The following GSDME variants were observed in gnomAD, a reference collection of about 807,000 sequenced individuals.
The protein encoded by GSDME is gasdermin-E.
GSDME carries 44 observed loss-of-function variants against 47.5 expected under a neutral mutation model. The observed-to-expected ratio is 0.93, with a 90% CI of 0.73 to 1.19. GSDME has a LOEUF of 1.19. GSDME is among the 50% of genes most tolerant of loss of function. The pLI is 0.00. For synonymous variants in GSDME, 258 were observed against 252.8 expected (o/e 1.02, Z -0.20); for missense variants, 663 against 604.2 (o/e 1.10, Z -1.02).
intron 5 of GSDME, chr7:24,715,628 G>C (rs1000768640): frequency 5.9e-6 from 2 of 336,688 alleles, no homozygotes; most frequent in African/African-American, 4.5e-5. Context: ...AGATAACAGA[G>C]ACTAGAAGAA....
chr7:24,720,857 A>T (rs575877295), intron 3 of GSDME, among the ~76,000 whole-genome samples: 3 of 151,950 alleles, frequency 2.0e-5, no homozygotes, highest in Admixed American at 2.0e-4. Context: ...CGGTGAGCTG[A>T]GATTGTGCCA....
At chr7:24,748,168 A>ATTT (rs1366320411) in intron 2 of GSDME, among the ~76,000 whole-genome samples, 5 of 117,492 alleles carry the variant, frequency 4.3e-5, no homozygotes, top group South Asian at 3.0e-4. Context: ...ATATATATAT[A>ATTT]TTTTTTTTTG....
At chr7:24,791,773 C>T in the GSDME span, among the ~76,000 whole-genome samples, 1 of 152,234 alleles carries the variant, frequency 6.6e-6, no homozygotes. This position sits in a 1 kb window ranked among gnomAD's most constrained non-coding sequence, Gnocchi z 4.8. Context: ...CAGACATCCT[C>T]TCGGGGATGA....
chr7:24,723,613 A>T (rs141824410), intron 3 of GSDME, among the ~76,000 whole-genome samples: 110 of 151,646 alleles, frequency 7.3e-4, no homozygotes, highest in African/African-American at 2.0e-3. Context: ...AGAAGAGTTT[A>T]AAAAAAAAGA....
rs1299447544 is a variant in GSDME at position 24,736,771 on chromosome 7, A to G, written c.404+7791T>C. 6.6e-6 allele frequency among the ~76,000 whole-genome samples: 1 copy of G among 152,208 alleles called. No individual in the cohort carries two copies. The highest frequency in any genetic ancestry group is 1.9e-4 in the East Asian group (1 of 5,194). ...TAGACCATATGTTAGGCCACAAAAC[A>G]AGTTTCAAAACATCCAAAAAATTGA... On this transcript the variant is annotated intron_variant, in intron 3 of 9. Coordinates refer to ENST00000645220, the MANE Select transcript of GSDME (RefSeq NM_001127453.2). The surrounding 1 kb of genome is among the most constrained non-coding windows in gnomAD (Gnocchi z 4.6).
At chr7:24,704,813 T>G (rs1789027748) in intron 8 of GSDME, 1 of 151,630 alleles carries the variant, frequency 6.6e-6, no homozygotes, top group Non-Finnish European at 1.5e-5. Flanking sequence ...CCACAGCCCC[T>G]CAAGTAGCTG....
At chr7:24,723,613 A>G (rs141824410) in intron 3 of GSDME, among the ~76,000 whole-genome samples, 2,192 of 151,640 alleles carry the variant, frequency 0.014, 15 homozygotes, top group African/African-American at 0.029. Flanking sequence ...AGAAGAGTTT[A>G]AAAAAAAAGA....
At chr7:24,723,621 A>AT (rs1446832087) in intron 3 of GSDME, among the ~76,000 whole-genome samples, 1 of 152,220 alleles carries the variant, frequency 6.6e-6, no homozygotes, top group East Asian at 1.9e-4. Flanking sequence ...TTAAAAAAAA[A>AT]GAGCCTAGAG....
At chr7:24,703,236 A>G (rs1347598357) in intron 8 of GSDME, 4 of 335,926 alleles carry the variant, frequency 1.2e-5, no homozygotes, top group Non-Finnish European at 2.3e-5. Flanking sequence ...CAGTTTCCTC[A>G]TTTACCATAG....
upstream of GSDME, among the ~76,000 whole-genome samples, chr7:24,758,976 C>T (rs1008227432): frequency 2.6e-5 from 4 of 152,184 alleles, no homozygotes; most frequent in African/African-American, 9.6e-5. The surrounding 1 kb of genome is among the most constrained non-coding windows in gnomAD (Gnocchi z 4.6). Flanking sequence ...TTGTTTGTTT[C>T]TCCACCTAGA....
At chr7:24,710,810 GATTAT>G (rs1375935876) in intron 5 of GSDME, among the ~76,000 whole-genome samples, 5 of 152,188 alleles carry the variant, frequency 3.3e-5, no homozygotes, top group Admixed American at 2.0e-4. Context: ...GTAGTTATGT[GATTAT>G]ATTTTTAAGA....
chr7:24,714,194 G>C lies in GSDME; in HGVS notation c.697+3060C>G, dbSNP rs1191754916. On this transcript the variant is annotated intron_variant, in intron 5 of 9. Coordinates refer to ENST00000645220, the MANE Select transcript of GSDME (RefSeq NM_001127453.2). The surrounding 1 kb of genome is among the most constrained non-coding windows in gnomAD (Gnocchi z 5.0). The stretch of plus-strand genomic sequence containing the variant: ...TCCTGAGAGGGGAGCTGTGGGTGAA[G>C]GAAAGGGTCTCATTGCAGCTGGCAT... Among the ~76,000 whole-genome samples the C allele has an allele frequency of 1.3e-5, 2 of 152,206 alleles. No homozygotes were observed. The highest frequency in any genetic ancestry group is 2.9e-5 in the Non-Finnish European group (2 of 68,038).
In GSDME at chr7:24,721,642, G is replaced by C. The variant is rs1011053514; in HGVS notation, c.405-2424C>G. Among the ~76,000 whole-genome samples, 1 of 152,180 alleles carries C rather than the reference G, an allele frequency of 6.6e-6. No homozygotes were observed. The highest frequency in any genetic ancestry group is 1.5e-5 in the Non-Finnish European group (1 of 68,026). On this transcript the variant is annotated intron_variant, in intron 3 of 9. Transcript: ENST00000645220. This position sits in a 1 kb window ranked among gnomAD's most constrained non-coding sequence, Gnocchi z 4.1. ...TGCCACACAAACACTAGCTGGCTCC[G>C]CCCACCTTCCCGTGTCCCTCTATGA...
At position 24,726,681 on chromosome 7, in the gene GSDME, G is replaced by A. The variant is rs547070240; in HGVS notation, c.405-7463C>T. 3.9e-4 allele frequency among the ~76,000 whole-genome samples: 60 copies of A among 152,090 alleles called. No individual in the cohort carries two copies. Among genetic ancestry groups the A allele is most frequent in the African/African-American group, 1.4e-3 (58 of 41,500 alleles). ...TACTAAAAATACAAAAAATCAGCCC[G>A]GCATAGTCCTGGCTACTCGGGAGGC... On this transcript the variant is annotated intron_variant, in intron 3 of 9. Coordinates refer to ENST00000645220, the MANE Select transcript of GSDME (RefSeq NM_001127453.2). The surrounding 1 kb of genome is among the most constrained non-coding windows in gnomAD (Gnocchi z 5.6).
intron 4 of GSDME, among the ~76,000 whole-genome samples, chr7:24,718,641 C>T (rs1032239532): frequency 2.6e-5 from 4 of 152,218 alleles, no homozygotes; most frequent in African/African-American, 7.2e-5. Flanking sequence ...CTGGCCCATT[C>T]GAGTGCCTGC....
intron 9 of GSDME, chr7:24,702,324 CTA>C (rs1390077740): frequency 1.2e-5 from 3 of 259,048 alleles, no homozygotes; most frequent in Non-Finnish European, 2.3e-5. Context: ...ATGAAAGAAG[CTA>C]TGTCTCCCTG....
intron 7 of GSDME, chr7:24,707,776 G>A (rs914224670): frequency 2.3e-5 from 11 of 476,860 alleles, no homozygotes; most frequent in Middle Eastern, 5.5e-4. Context: ...GGAGCCATCC[G>A]CAGCTGGAAG....
At chr7:24,720,200 G>C (rs1343468178) in intron 3 of GSDME, among the ~76,000 whole-genome samples, 1 of 152,166 alleles carries the variant, frequency 6.6e-6, no homozygotes, top group Non-Finnish European at 1.5e-5. Context: ...TTCAAGAACA[G>C]ACTAAATTTT....
chr7:24,729,506 G>T (rs1790073920), intron 3 of GSDME, among the ~76,000 whole-genome samples: 1 of 152,226 alleles, frequency 6.6e-6, no homozygotes, highest in Non-Finnish European at 1.5e-5. Context: ...CTACGGCGTG[G>T]TTAGTATGCC....
Sources: allele counts gnomAD v4.1 joint callset (sites outside exome capture counted in the v4.1 genomes callset), GRCh38; gene constraint gnomAD v4.1.1; non-coding constraint Gnocchi (gnomAD v3.1); transcripts MANE v1.5; gene names NCBI Gene and HGNC (gene_info 2026-07-23, HGNC 2026-07-21).